Variants in SNX13 observed in about 807,000 individuals in gnomAD.
SNX13 encodes sorting nexin-13.
In SNX13, 45 loss-of-function variants were observed where a neutral mutation model predicts 133.6. The ratio of observed to expected loss-of-function variants is 0.34; its 90% CI spans 0.27 to 0.43. The LOEUF is 0.43. Among genes scored for constraint, SNX13 ranks in the 20% least tolerant of loss-of-function variants. The pLI, the probability that SNX13 is intolerant of heterozygous loss-of-function variation, is 1.00. For missense variants in SNX13, 1,032 were observed against 1,145.1 expected, an observed-to-expected ratio of 0.90 and a Z score of 1.43; for synonymous variants, 414 against 373.9, an observed-to-expected ratio of 1.11 and a Z score of -1.24.
At chr7:17,817,853 A>G (rs189851230) in intron 18 of SNX13, among the ~76,000 whole-genome samples, 446 of 152,138 alleles carry the variant, frequency 2.9e-3, no homozygotes, top group Non-Finnish European at 4.8e-3. Context: ...GAAAACACAT[A>G]TTTTTCCTGG....
intron 9 of SNX13, among the ~76,000 whole-genome samples, chr7:17,857,217 C>T (rs564033625): frequency 4.5e-4 from 68 of 152,224 alleles, no homozygotes; most frequent in African/African-American, 1.6e-3. Context: ...AGTCCAGTAA[C>T]GAGTAATAAG....
chr7:17,819,821 T>A (rs1243087291), intron 18 of SNX13, among the ~76,000 whole-genome samples: 1 of 152,136 alleles, frequency 6.6e-6, no homozygotes, highest in Non-Finnish European at 1.5e-5. Flanking sequence ...TTTCTTAAGT[T>A]CTGTGAACAA....
intron 15 of SNX13, among the ~76,000 whole-genome samples, chr7:17,832,756 T>C (rs892259788): frequency 2.0e-5 from 3 of 151,520 alleles, no homozygotes; most frequent in Non-Finnish European, 4.4e-5. Context: ...ATTATTCCAA[T>C]TGTACACATA....
chr7:17,834,899 A>G (rs1562728644), intron 13 of SNX13, 34 bp from the exon 14 acceptor site: 6 of 1,221,684 alleles, frequency 4.9e-6, no homozygotes, highest in Non-Finnish European at 7.1e-6. Context: ...TGATCTCTGT[A>G]ATTTCTTAAT....
chr7:17,803,659 G>C (rs1784875735), intron 20 of SNX13, 79 bp from the exon 21 acceptor site: 2 of 1,267,776 alleles, frequency 1.6e-6, no homozygotes, highest in East Asian at 2.5e-5. Context: ...GGAAAATATA[G>C]AGTGCAACAC....
intron 9 of SNX13, among the ~76,000 whole-genome samples, chr7:17,862,033 C>G (rs1243006399): frequency 6.6e-6 from 1 of 152,188 alleles, no homozygotes; most frequent in Admixed American, 6.5e-5. Context: ...CTGCCCCCAA[C>G]AGTTTGAAAT....
intron 1 of SNX13, among the ~76,000 whole-genome samples, chr7:17,914,108 T>C (rs1799295019): frequency 7.7e-6 from 1 of 129,638 alleles, no homozygotes; most frequent in South Asian, 3.2e-4. Flanking sequence ...GCCTTAGGAA[T>C]AGACTAGACC....
At chr7:17,839,504 CTCTTTTGTTTACTTTTGCATGGTTTA>C (rs1000344044) in intron 13 of SNX13, among the ~76,000 whole-genome samples, 1 of 151,824 alleles carries the variant, frequency 6.6e-6, no homozygotes, top group African/African-American at 2.4e-5. Context: ...TATACGTACT[CTCTTTTGTTTACTTTTGCATGGTTTA>C]TCTTTTTCTA....
intron 5 of SNX13, 110 bp downstream of exon 5, chr7:17,890,253 T>C: frequency 1.0e-6 from 1 of 992,852 alleles, no homozygotes; most frequent in Non-Finnish European, 1.4e-6. Context: ...AATAATCTGC[T>C]GTTCTACTTA....
In SNX13 at chr7:17,799,170, AAATAAG is replaced by A. The variant is rs763148504; in HGVS notation, c.2299-22_2299-17del. On this transcript the variant is annotated splice_polypyrimidine_tract_variant and intron_variant, in intron 22 of 25. Transcript: ENST00000428135. ...TGTCATCCACCTGACAAAATATAAG[AAATAAG>A]AATAAGTTTGAGTTAGCTATCTACT... 274 of 1,580,804 alleles carry A rather than the reference AAATAAG, an allele frequency of 1.7e-4. No homozygotes were observed. Among genetic ancestry groups the A allele is most frequent in the Non-Finnish European group, 2.2e-4 (262 of 1,165,750 alleles).
intron 7 of SNX13, among the ~76,000 whole-genome samples, chr7:17,874,474 C>T (rs1794482066): frequency 6.6e-6 from 1 of 152,032 alleles, no homozygotes; most frequent in Admixed American, 6.6e-5. Context: ...TACCCGAAAC[C>T]CTCTCACTGT....
chr7:17,889,376 A>G (rs893462955), intron 5 of SNX13: 3 of 152,140 alleles, frequency 2.0e-5, no homozygotes, highest in African/African-American at 7.2e-5. Flanking sequence ...CCTCTAGCCA[A>G]CTCCAAATCT....
intron 9 of SNX13, among the ~76,000 whole-genome samples, chr7:17,854,051 T>C (rs1424729026): frequency 6.6e-6 from 1 of 152,154 alleles, no homozygotes; most frequent in Non-Finnish European, 1.5e-5. Context: ...AAACTGAAAT[T>C]TGTACCTACA....
intron 21 of SNX13, 85 bp downstream of exon 21, chr7:17,803,334 A>T: frequency 7.9e-7 from 1 of 1,264,584 alleles, no homozygotes; most frequent in Non-Finnish European, 1.1e-6. Flanking sequence ...AGGTTAAGGG[A>T]CTAAGGTAAA....
rs986811119 is a variant in SNX13 at position 17,862,283 on chromosome 7, A to G, written c.837+6124T>C. ...AATTATATCCTGATTATTTAAGTTT[A>G]GTATACAATATCCATTTTCTGTACT... On this transcript the variant is annotated intron_variant, in intron 9 of 25. Coordinates refer to ENST00000428135, the MANE Select transcript of SNX13 (RefSeq NM_015132.5). Among the ~76,000 whole-genome samples, 6 of 152,356 alleles carry G rather than the reference A, an allele frequency of 3.9e-5. No homozygotes were observed. In the East Asian group the frequency reaches 7.7e-4, roughly 20 times the overall value.
At chr7:17,807,053 C>G (rs1041885527) in intron 20 of SNX13, among the ~76,000 whole-genome samples, 2 of 152,158 alleles carry the variant, frequency 1.3e-5, no homozygotes, top group African/African-American at 4.8e-5. Context: ...ACCAAGCTAG[C>G]TGCAGGAGTT....
chr7:17,871,434 G>A (rs906273585), intron 8 of SNX13, among the ~76,000 whole-genome samples: 1 of 152,104 alleles, frequency 6.6e-6, no homozygotes, highest in African/African-American at 2.4e-5. Flanking sequence ...CCAAACTTAG[G>A]CTCCTCTGAA....
At chr7:17,823,646 A>T (rs958819238) in intron 17 of SNX13, among the ~76,000 whole-genome samples, 2 of 152,232 alleles carry the variant, frequency 1.3e-5, no homozygotes, top group African/African-American at 4.8e-5. Context: ...CTCTGTAAGT[A>T]GCACTATTAT....
chr7:17,851,722 G>C (rs114137349), intron 9 of SNX13, among the ~76,000 whole-genome samples: 5 of 151,618 alleles, frequency 3.3e-5, no homozygotes, highest in South Asian at 2.1e-4. Flanking sequence ...TGCCGGGCGG[G>C]GGGGGCGGGG....
Sources: allele counts gnomAD v4.1 joint callset (sites outside exome capture counted in the v4.1 genomes callset), GRCh38; gene constraint gnomAD v4.1.1; transcripts MANE v1.5; gene names NCBI Gene and HGNC (gene_info 2026-07-23, HGNC 2026-07-21).